UBE2W: variants seen among roughly 807,000 people sequenced by gnomAD.
UBE2W encodes the protein ubiquitin conjugating enzyme E2 W.
UBE2W carries 18 observed loss-of-function variants against 27.2 expected under a neutral mutation model. That is an observed-to-expected ratio of 0.66 (90% CI 0.46 to 0.98). The LOEUF (loss-of-function observed/expected upper bound fraction) is 0.98. UBE2W is among the 50% of genes least tolerant of loss of function. The pLI is 0.00. For synonymous variants in UBE2W, 53 were observed against 57.2 expected (o/e 0.93, Z 0.33); for missense variants, 90 against 180.2 (o/e 0.50, Z 2.87).
At chr8:73,822,626 A>T (rs1433845992) in intron 3 of UBE2W, among the ~76,000 whole-genome samples, 20 of 147,614 alleles carry the variant, frequency 1.4e-4, no homozygotes, top group South Asian at 4.3e-4. Context: ...AAAAAAAAAA[A>T]AAAAAAAATT....
chr8:73,859,310 A>G (rs1563627088), intron 1 of UBE2W, among the ~76,000 whole-genome samples: 1 of 151,994 alleles, frequency 6.6e-6, no homozygotes, highest in African/African-American at 2.4e-5. Flanking sequence ...GTTTGAGACC[A>G]CCCTGGCCAA....
intron 2 of UBE2W, 49 bp downstream of exon 2, chr8:73,830,332 T>C (rs1810020430): frequency 3.0e-6 from 4 of 1,343,514 alleles, no homozygotes; most frequent in South Asian, 2.4e-5. Context: ...TGAACATTCA[T>C]ACATTATTGG....
In UBE2W at chr8:73,860,368, G is replaced by GAAGGC. The variant is rs200787430; in HGVS notation, c.15+18435_15+18439dup. ...AGCAATGGAATCAGAGATAAGGCAA[G>GAAGGC]AAGGCAATATACTCAACTGTGTTTT... On this transcript the variant is annotated intron_variant, in intron 1 of 5. Coordinates refer to ENST00000602593, the MANE Select transcript of UBE2W (RefSeq NM_018299.6). 7.2e-5 allele frequency among the ~76,000 whole-genome samples: 11 copies of GAAGGC among 152,174 alleles called. No individual in the cohort carries two copies. The East Asian group carries it at 7.7e-4, about 11-fold the overall frequency.
intron 4 of UBE2W, among the ~76,000 whole-genome samples, chr8:73,807,040 T>C (rs1232187147): frequency 6.6e-6 from 1 of 152,212 alleles, no homozygotes; most frequent in African/African-American, 2.4e-5. Flanking sequence ...ATTTGTTGCA[T>C]ACTGCCTAGA....
chr8:73,874,563 A>C (rs1432239235), intron 1 of UBE2W, among the ~76,000 whole-genome samples: 1 of 152,258 alleles, frequency 6.6e-6, no homozygotes, highest in East Asian at 1.9e-4. Flanking sequence ...TCACATAAAA[A>C]TTCACTTCAA....
Position 73,820,490 on chromosome 8 carries a change from A to G in UBE2W, c.210+4657T>C, listed in dbSNP as rs117040857. Among the ~76,000 whole-genome samples, 924 of 152,274 alleles carry G rather than the reference A, an allele frequency of 6.1e-3. 3 individuals are homozygous for G. The highest frequency in any genetic ancestry group is 9.9e-3 in the Non-Finnish European group (674 of 68,018). ...CACTGGGCGTGCCTATGATCCCAGT[A>G]CTTTGACAGGCCGAGGCGAGCAGAT... On this transcript the variant is annotated intron_variant, in intron 3 of 5. Transcript: ENST00000602593.
intron 1 of UBE2W, among the ~76,000 whole-genome samples, chr8:73,842,104 T>C (rs1563610421): frequency 1.3e-5 from 2 of 152,182 alleles, no homozygotes; most frequent in Non-Finnish European, 1.5e-5. Flanking sequence ...GAGGCAACAA[T>C]TTCACTGCTC....
At chr8:73,795,689 A>G in intron 5 of UBE2W, 1 of 688,406 alleles carries the variant, frequency 1.5e-6, no homozygotes, top group Non-Finnish European at 1.8e-6. Flanking sequence ...AACAGACTGG[A>G]GTTTAAAAAT....
At chr8:73,853,553 G>A (rs1406209470) in intron 1 of UBE2W, among the ~76,000 whole-genome samples, 2 of 152,012 alleles carry the variant, frequency 1.3e-5, no homozygotes, top group Admixed American at 6.6e-5. Context: ...GAACCATTGC[G>A]CCTGACCCAG....
Position 73,788,663 on chromosome 8 carries a change from A to G in UBE2W, c.*5439T>C. On this transcript the variant is annotated 3_prime_UTR_variant, in exon 6 of 6. Transcript: ENST00000602593. ...GGATTATTAAATCTTTCCATACACC[A>G]GAAAATCTGACAAGTGATGTCATTT... is the stretch of plus-strand genomic sequence containing the variant. 1.0e-6 allele frequency: 1 copy of G among 985,464 alleles called. No individual in the cohort carries two copies. Among genetic ancestry groups the G allele is most frequent in the Non-Finnish European group, 1.2e-6 (1 of 829,938 alleles). 61.0% of individuals were successfully genotyped at this position (985,464 alleles called of 1,614,324 possible). A position where few individuals can be genotyped will look rare whatever the true frequency, so the allele number is the denominator to read the frequency against.
chr8:73,875,543 T>TA (rs541141047), intron 1 of UBE2W, among the ~76,000 whole-genome samples: 176 of 117,030 alleles, frequency 1.5e-3, no homozygotes, highest in African/African-American at 5.7e-3. Context: ...TATGGCATTT[T>TA]AAAAAAAATA....
At position 73,788,219 on chromosome 8, in the gene UBE2W, A is replaced by C. The variant is rs1808043786; in HGVS notation, c.*5883T>G. On this transcript the variant is annotated 3_prime_UTR_variant, in exon 6 of 6. Transcript: ENST00000602593. ...CTAACAAGTCTGATACATGTATTAA[A>C]AAATATATAACATAGATTTGTCTGT... 1 of 942,488 alleles carries C rather than the reference A, an allele frequency of 1.1e-6. No individual in the cohort carries two copies. Among genetic ancestry groups the C allele is most frequent in the Non-Finnish European group, 1.3e-6 (1 of 791,050 alleles). The allele number at this position is 942,488 out of a possible 1,614,324, so 58.4% of individuals were successfully genotyped here. A position where few individuals can be genotyped will look rare whatever the true frequency, so the allele number is the denominator to read the frequency against.
chr8:73,856,711 A>AT lies in UBE2W; in HGVS notation c.15+22096dup, dbSNP rs1235370477. ...AGAAGATTTCCATCAGCAGGAATAA[A>AT]TTTTTTTTTTTTGAGACAGGGTGTT... On this transcript the variant is annotated intron_variant, in intron 1 of 5. Coordinates refer to ENST00000602593, the MANE Select transcript of UBE2W (RefSeq NM_018299.6). Among the ~76,000 whole-genome samples the AT allele has an allele frequency of 9.3e-4, 135 of 145,004 alleles. 1 individual carries two copies. The highest frequency in any genetic ancestry group is 4.0e-3 in the Middle Eastern group (1 of 252).
intron 5 of UBE2W, among the ~76,000 whole-genome samples, chr8:73,794,584 G>A (rs75150312): frequency 2.6e-5 from 4 of 152,108 alleles, no homozygotes; most frequent in African/African-American, 9.7e-5. Flanking sequence ...TCAATAAACA[G>A]TTAAGATTAA....
intron 2 of UBE2W, among the ~76,000 whole-genome samples, chr8:73,828,551 T>C (rs1445800391): frequency 2.6e-5 from 4 of 152,196 alleles, no homozygotes; most frequent in African/African-American, 9.6e-5. Flanking sequence ...CCTAGGATGG[T>C]GTATGGTAGG....
Position 73,786,407 on chromosome 8 carries a change from C to T in UBE2W, c.*7695G>A. 4.1e-6 allele frequency: 4 copies of T among 985,090 alleles called. No homozygotes were observed. The highest frequency in any genetic ancestry group is 4.8e-6 in the Non-Finnish European group (4 of 829,630). The allele number at this position is 985,090 out of a possible 1,614,324, so 61.0% of individuals were successfully genotyped here. On this transcript the variant is annotated 3_prime_UTR_variant, in exon 6 of 6. Coordinates refer to ENST00000602593, the MANE Select transcript of UBE2W (RefSeq NM_018299.6). ...CATAACCAAGTTAATTCAATACACA[C>T]TTATTAAATGCCTATGTGCTACAGG...
intron 5 of UBE2W, among the ~76,000 whole-genome samples, chr8:73,801,579 A>C (rs1215150967): frequency 6.6e-6 from 1 of 152,194 alleles, no homozygotes; most frequent in African/African-American, 2.4e-5. Flanking sequence ...CTTAAAAATA[A>C]CTATGTTTGT....
At chr8:73,844,913 G>C (rs958241141) in intron 1 of UBE2W, among the ~76,000 whole-genome samples, 4 of 150,094 alleles carry the variant, frequency 2.7e-5, no homozygotes, top group African/African-American at 7.4e-5. Context: ...CCGCCCGGCA[G>C]CCGCCCGGTC....
intron 3 of UBE2W, among the ~76,000 whole-genome samples, chr8:73,820,152 T>C (rs1375142210): frequency 6.6e-6 from 1 of 152,084 alleles, no homozygotes; most frequent in Non-Finnish European, 1.5e-5. Context: ...CAGAGTTTCA[T>C]CAAATAAAAT....
Sources: allele counts gnomAD v4.1 joint callset (sites outside exome capture counted in the v4.1 genomes callset), GRCh38; gene constraint gnomAD v4.1.1; transcripts MANE v1.5; gene names NCBI Gene and HGNC (gene_info 2026-07-23, HGNC 2026-07-21).